The following DSCAML1 variants were observed in gnomAD, a reference collection of about 807,000 sequenced individuals.
DSCAML1 encodes the protein DS cell adhesion molecule like 1, also known as cell adhesion molecule DSCAML1.
In DSCAML1, 38 loss-of-function variants were observed where a neutral mutation model predicts 200.5. The observed-to-expected ratio is 0.19, with a 90% CI of 0.15 to 0.25. The LOEUF is 0.25. Ranked by LOEUF, DSCAML1 falls within the 10% of genes least tolerant of loss-of-function variation. The pLI, the probability that DSCAML1 is intolerant of heterozygous loss-of-function variation, is 1.00. For missense variants in DSCAML1, 2,223 were observed against 2,858.8 expected, an observed-to-expected ratio of 0.78 and a Z score of 5.07; for synonymous variants, 1,215 against 1,165.0, an observed-to-expected ratio of 1.04 and a Z score of -0.87.
intron 3 of DSCAML1, among the ~76,000 whole-genome samples, chr11:117,652,867 C>T (rs1439079472): frequency 6.6e-6 from 1 of 152,154 alleles, no homozygotes; most frequent in Admixed American, 6.6e-5. Context: ...GGGTCAGCTT[C>T]TCCCTCCATG....
At chr11:117,807,226 C>T (rs996852596) in intron 1 of DSCAML1, among the ~76,000 whole-genome samples, 5 of 152,220 alleles carry the variant, frequency 3.3e-5, no homozygotes, top group Non-Finnish European at 5.9e-5. Flanking sequence ...GAATTTTTAT[C>T]GCTGAAGCCC....
intron 3 of DSCAML1, among the ~76,000 whole-genome samples, chr11:117,627,329 T>C (rs2052069100): frequency 6.6e-6 from 1 of 152,114 alleles, no homozygotes; most frequent in Non-Finnish European, 1.5e-5. Flanking sequence ...CAAAAGCTCC[T>C]TCCTCACCAC....
chr11:117,774,256 G>A (rs1479691612), intron 3 of DSCAML1, among the ~76,000 whole-genome samples: 14 of 152,182 alleles, frequency 9.2e-5, no homozygotes, highest in Admixed American at 9.2e-4. Context: ...TGCAGAAAGT[G>A]GAGATGTGTG....
chr11:117,671,471 A>T (rs1666439798), intron 3 of DSCAML1, among the ~76,000 whole-genome samples: 1 of 152,210 alleles, frequency 6.6e-6, no homozygotes. Context: ...TACTTAGATA[A>T]AAAGCCATTT....
At chr11:117,716,581 G>A (rs1223812434) in intron 3 of DSCAML1, among the ~76,000 whole-genome samples, 3 of 152,146 alleles carry the variant, frequency 2.0e-5, no homozygotes, top group Non-Finnish European at 4.4e-5. Context: ...AGGGGAGCTC[G>A]AAGAAGTCAA....
intron 3 of DSCAML1, among the ~76,000 whole-genome samples, chr11:117,772,753 C>T (rs755332680): frequency 2.6e-5 from 4 of 152,168 alleles, no homozygotes; most frequent in Non-Finnish European, 4.4e-5. Context: ...TCACTGGAGG[C>T]GTTAATTTTA....
At position 117,489,973 on chromosome 11, in the gene DSCAML1, A is replaced by G. The variant is rs562781663; in HGVS notation, c.2360-7811T>C. Among the ~76,000 whole-genome samples the G allele has an allele frequency of 2.6e-5, 4 of 152,256 alleles. No homozygotes were observed. The East Asian group carries it at 7.7e-4, about 29-fold the overall frequency. On this transcript the variant is annotated intron_variant, in intron 11 of 32. Coordinates refer to ENST00000651296, the MANE Select transcript of DSCAML1 (RefSeq NM_020693.4). The surrounding 1 kb of genome is among the most constrained non-coding windows in gnomAD (Gnocchi z 4.8). ...GCCCCAGGGCAGCCTGCCCCAGTCC[A>G]CACTTAGGCTCACTCAGGGGAGCGG...
intron 3 of DSCAML1, among the ~76,000 whole-genome samples, chr11:117,720,164 C>G (rs2054018366): frequency 6.6e-6 from 1 of 152,044 alleles, no homozygotes; most frequent in Admixed American, 6.6e-5. Flanking sequence ...CAGCCCAGCG[C>G]CCCCCGCCCG....
chr11:117,618,496 C>T (rs2051857590), intron 3 of DSCAML1, among the ~76,000 whole-genome samples: 1 of 152,196 alleles, frequency 6.6e-6, no homozygotes, highest in South Asian at 2.1e-4. Context: ...CCTGAGTCTT[C>T]TCTTCCGCAG....
intron 1 of DSCAML1, among the ~76,000 whole-genome samples, chr11:117,792,313 G>A (rs993971552): frequency 6.6e-5 from 10 of 152,060 alleles, no homozygotes; most frequent in African/African-American, 1.9e-4. Context: ...ATCCTCTCAG[G>A]GCCCTGGAAA....
intron 1 of DSCAML1, among the ~76,000 whole-genome samples, chr11:117,792,835 C>T (rs546626236): frequency 7.9e-5 from 12 of 152,310 alleles, no homozygotes; most frequent in South Asian, 2.1e-4. Flanking sequence ...GTCTACCTTA[C>T]GGTGTCTTGG....
At chr11:117,595,587 C>T (rs1591305406) in intron 3 of DSCAML1, among the ~76,000 whole-genome samples, 1 of 152,280 alleles carries the variant, frequency 6.6e-6, no homozygotes, top group African/African-American at 2.4e-5. Context: ...GATAACAGAA[C>T]AGGAAGGTGC....
In DSCAML1 at chr11:117,516,434, G is replaced by A. The variant is rs749249704; in HGVS notation, c.1783+33C>T. On this transcript the variant is annotated intron_variant, in intron 8 of 32. Coordinates refer to ENST00000651296, the MANE Select transcript of DSCAML1 (RefSeq NM_020693.4). This position sits in a 1 kb window ranked among gnomAD's most constrained non-coding sequence, Gnocchi z 5.7. The stretch of plus-strand genomic sequence containing the variant: ...GCCCACGCATCCTGGGTGGTCAGGC[G>A]GGCAGGGGCCCTGGCTGGTGAGGGA... 20 of 1,596,396 alleles carry A rather than the reference G, an allele frequency of 1.3e-5. No homozygotes were observed. In the East Asian group the frequency reaches 2.2e-4, roughly 18 times the overall value.
intron 3 of DSCAML1, among the ~76,000 whole-genome samples, chr11:117,669,058 T>C (rs1043825967): frequency 6.6e-6 from 1 of 152,136 alleles, no homozygotes; most frequent in South Asian, 2.1e-4. Flanking sequence ...CTCCTATGAA[T>C]ATATTTGTTT....
chr11:117,712,132 C>T lies in DSCAML1; in HGVS notation c.511+64659G>A, dbSNP rs377672325. Among the ~76,000 whole-genome samples, 287 of 151,916 alleles carry T rather than the reference C, an allele frequency of 1.9e-3. 1 individual carries two copies. The highest frequency in any genetic ancestry group is 6.5e-3 in the African/African-American group (268 of 41,400). On this transcript the variant is annotated intron_variant, in intron 3 of 32. Coordinates refer to ENST00000651296, the MANE Select transcript of DSCAML1 (RefSeq NM_020693.4). ...GCATTTATTTTATTTTTTTTAAACA[C>T]GTTGCACTGAAATAAAAAATGCATG...
chr11:117,638,876 C>T (rs1239082349), intron 3 of DSCAML1, among the ~76,000 whole-genome samples: 1 of 152,094 alleles, frequency 6.6e-6, no homozygotes, highest in East Asian at 1.9e-4. Context: ...GTATGTTTTC[C>T]TTTTTCTTGA....
chr11:117,781,695 C>T (rs1317524373), intron 1 of DSCAML1, among the ~76,000 whole-genome samples: 1 of 152,234 alleles, frequency 6.6e-6, no homozygotes, highest in Admixed American at 6.5e-5. Context: ...TTCCCTTCCT[C>T]ACTTGGATCG....
chr11:117,429,908 T>G (rs2047750470), intron 32 of DSCAML1, among the ~76,000 whole-genome samples: 1 of 152,248 alleles, frequency 6.6e-6, no homozygotes, highest in Non-Finnish European at 1.5e-5. Flanking sequence ...TTAAATCATT[T>G]GCCTAAATTT....
chr11:117,765,819 A>C (rs2054887514), intron 3 of DSCAML1, among the ~76,000 whole-genome samples: 1 of 152,218 alleles, frequency 6.6e-6, no homozygotes, highest in African/African-American at 2.4e-5. Flanking sequence ...TTAGGTGCGG[A>C]GTCAGGGTTG....
Sources: allele counts gnomAD v4.1 joint callset (sites outside exome capture counted in the v4.1 genomes callset), GRCh38; gene constraint gnomAD v4.1.1; non-coding constraint Gnocchi (gnomAD v3.1); transcripts MANE v1.5; gene names NCBI Gene and HGNC (gene_info 2026-07-23, HGNC 2026-07-21).